SEC14L3: variants seen among roughly 807,000 people sequenced by gnomAD.
SEC14L3 encodes the protein SEC14-like protein 3.
Under a neutral mutation model 57.4 loss-of-function variants are expected in SEC14L3, and 56 were observed. That is an observed-to-expected ratio of 0.97 (90% CI 0.79 to 1.22). The LOEUF is 1.22. Among genes scored for constraint, SEC14L3 ranks in the 50% most tolerant of loss-of-function variants. The pLI is 0.00. For synonymous variants in SEC14L3, 173 were observed against 194.4 expected (o/e 0.89, Z 0.92); for missense variants, 485 against 511.7 (o/e 0.95, Z 0.50).
At chr22:30,456,559 G>A (rs954830615), downstream of SEC14L3, among the ~76,000 whole-genome samples, 11 of 152,050 alleles carry the variant, frequency 7.2e-5, no homozygotes, top group Non-Finnish European at 1.5e-5. Flanking sequence ...TTAAGCAATT[G>A]TAGAATAAGA....
At chr22:30,456,243 G>A (rs1207779474), downstream of SEC14L3, among the ~76,000 whole-genome samples, 1 of 143,804 alleles carries the variant, frequency 7.0e-6, no homozygotes. Context: ...AGGTTGCAGT[G>A]AGCCTAGATT....
In SEC14L3 at chr22:30,464,719, C is replaced by T. The variant is rs556809542; in HGVS notation, c.664+101G>A. On this transcript the variant is annotated intron_variant, in intron 8 of 11. Coordinates refer to ENST00000215812, the MANE Select transcript of SEC14L3 (RefSeq NM_174975.5). The stretch of plus-strand genomic sequence containing the variant: ...GTGCTGGGATTACATTCGTGAGCCA[C>T]TGCACCCAACCTAATGTGTGGAGTT... 1.6e-5 allele frequency: 18 copies of T among 1,098,464 alleles called. 1 individual carries two copies. The South Asian group carries it at 2.1e-4, about 13-fold the overall frequency. The allele number at this position is 1,098,464 out of a possible 1,614,324, so 68.0% of individuals were successfully genotyped here.
intron 12 of SEC14L3, among the ~76,000 whole-genome samples, chr22:30,451,226 G>A (rs1324230375): frequency 1.3e-5 from 2 of 152,214 alleles, no homozygotes; most frequent in African/African-American, 2.4e-5. Context: ...CACCCACCAT[G>A]AGAACAGGTT....
At position 30,459,386 on chromosome 22, in the gene SEC14L3, G is replaced by C. The variant is rs1935180570; in HGVS notation, c.*635C>G. ...AGCCTGATGTAGGCAGCTCCTATCA[G>C]AGGCATGTGGCCTTTGTGGCTGGGG... On this transcript the variant is annotated 3_prime_UTR_variant, in exon 12 of 12. Transcript: ENST00000215812. The C allele has an allele frequency of 1.0e-6, 1 of 985,354 alleles. No individual in the cohort carries two copies. Among genetic ancestry groups the C allele is most frequent in the Non-Finnish European group, 1.2e-6 (1 of 829,990 alleles). 61.0% of individuals were successfully genotyped at this position (985,354 alleles called of 1,614,324 possible).
rs561636617 is a variant in SEC14L3 at position 30,467,632 on chromosome 22, G to A, written c.424-555C>T. ...ACAGAAGAGGTTATTTAACCCAGGC[G>A]GGGGACTCAGAGAAGGTAACATCTA... On this transcript the variant is annotated intron_variant, in intron 5 of 11. Coordinates refer to ENST00000215812, the MANE Select transcript of SEC14L3 (RefSeq NM_174975.5). Among the ~76,000 whole-genome samples, 90 of 152,230 alleles carry A rather than the reference G, an allele frequency of 5.9e-4. 1 individual carries two copies. The highest frequency in any genetic ancestry group is 2.1e-3 in the African/African-American group (89 of 41,542).
At chr22:30,452,010 G>GAAAAAAAAAAAAAA (rs1226997169) in intron 12 of SEC14L3, among the ~76,000 whole-genome samples, 2 of 110,006 alleles carry the variant, frequency 1.8e-5, no homozygotes, top group African/African-American at 3.5e-5. Context: ...AAAAAAAAAA[G>GAAAAAAAAAAAAAA]AAAAAAGAAA....
At chr22:30,450,923 G>A (rs1934968238) in intron 12 of SEC14L3, among the ~76,000 whole-genome samples, 1 of 152,274 alleles carries the variant, frequency 6.6e-6, no homozygotes, top group Admixed American at 6.5e-5. Flanking sequence ...CTGCTGCACA[G>A]AGCAGAGATG....
At chr22:30,461,026 G>C (rs893623663) in intron 11 of SEC14L3, among the ~76,000 whole-genome samples, 1 of 152,102 alleles carries the variant, frequency 6.6e-6, no homozygotes, top group African/African-American at 2.4e-5. Context: ...CAGAGCCTCG[G>C]TTTCCTCATG....
downstream of SEC14L3, among the ~76,000 whole-genome samples, chr22:30,454,868 ACATAATATAT>A (rs1935071325): frequency 1.9e-4 from 4 of 20,972 alleles, no homozygotes; most frequent in African/African-American, 1.4e-3. Flanking sequence ...ATTATATAAT[ACATAATATAT>A]TATTATATAT....
chr22:30,456,336 A>T (rs1935120726), downstream of SEC14L3, among the ~76,000 whole-genome samples: 2 of 151,858 alleles, frequency 1.3e-5, no homozygotes, highest in South Asian at 4.1e-4. Context: ...CAAACACGAA[A>T]AAAGGAATAT....
Position 30,459,376 on chromosome 22 carries a change from G to A in SEC14L3, c.*645C>T, listed in dbSNP as rs1213744609. 3.0e-6 allele frequency: 3 copies of A among 985,356 alleles called. No individual in the cohort carries two copies. The highest frequency in any genetic ancestry group is 3.5e-5 in the African/African-American group (2 of 57,232). The allele number at this position is 985,356 out of a possible 1,614,324, so 61.0% of individuals were successfully genotyped here. ...AGTCAGACAAAGCCTGATGTAGGCA[G>A]CTCCTATCAGAGGCATGTGGCCTTT... On this transcript the variant is annotated 3_prime_UTR_variant, in exon 12 of 12. Transcript: ENST00000215812.
At chr22:30,468,456 C>T (rs1215928507) in intron 5 of SEC14L3, 52 bp downstream of exon 5, 10 of 1,419,274 alleles carry the variant, frequency 7.0e-6, no homozygotes, top group Non-Finnish European at 8.9e-6. Context: ...ACCAATCCCC[C>T]CGGCAGCCTC....
chr22:30,468,483 C>G (rs1365283024), intron 5 of SEC14L3, 25 bp downstream of exon 5: 1 of 1,584,020 alleles, frequency 6.3e-7, no homozygotes, highest in Non-Finnish European at 8.7e-7. Context: ...CCCCAGCCAT[C>G]CACCCCACCT....
chr22:30,464,823 C>G lies in SEC14L3; in HGVS notation c.661G>C (p.Gly221Arg), dbSNP rs1267010421. ...EDTRRKIIVL[G>R]NNWKEGLLKL... Reference sequence around the variant, plus strand: ...AAATTGAGCTGGCACTACTTACTTCCCAACACAATAATTTTCCTGCGAGTG... The same window carrying G: ...AAATTGAGCTGGCACTACTTACTTCGCAACACAATAATTTTCCTGCGAGTG... Residue 221 changes from glycine to arginine, a missense_variant, in exon 8 of 12, where the codon GGA (glycine) becomes CGA (arginine). Transcript: ENST00000215812. 1.2e-6 allele frequency: 2 copies of G among 1,613,936 alleles called. No individual in the cohort carries two copies. Among genetic ancestry groups the G allele is most frequent in the African/African-American group, 2.7e-5 (2 of 74,892 alleles).
intron 1 of SEC14L3, chr22:30,471,030 A>G (rs922252213): frequency 3.2e-6 from 1 of 311,258 alleles, no homozygotes; most frequent in Non-Finnish European, 6.2e-6. Context: ...CACGCCTGTC[A>G]TCCCAGCACT....
Position 30,460,160 on chromosome 22 carries a change from A to G in SEC14L3, c.1082-18T>C. On this transcript the variant is annotated intron_variant, in intron 11 of 11. Coordinates refer to ENST00000215812, the MANE Select transcript of SEC14L3 (RefSeq NM_174975.5). ...TAGGACATCTGGGGGACAGATGGAA[A>G]GAGGGGCATTGGGCTTGGCTTTACA... 1 of 1,612,196 alleles carries G rather than the reference A, an allele frequency of 6.2e-7. No individual in the cohort carries two copies. Among genetic ancestry groups the G allele is most frequent in the Non-Finnish European group, 8.5e-7 (1 of 1,178,736 alleles).
In SEC14L3 at chr22:30,470,042, T is replaced by C. The variant is rs903296261; in HGVS notation, c.211A>G (p.Ile71Val). The C allele has an allele frequency of 1.3e-6, 2 of 1,583,738 alleles. No homozygotes were observed. The highest frequency in any genetic ancestry group is 1.4e-5 in the African/African-American group (1 of 73,966). Residue 71 changes from isoleucine (I) to valine (V), a missense_variant, in exon 4 of 12, where the codon ATC becomes GTC. Coordinates refer to ENST00000215812, the MANE Select transcript of SEC14L3 (RefSeq NM_174975.5). ...ACCTCTGGGGGCTGCCAATCAAGGA[T>C]ATGGTCAATATCCATGGTCTTCCGG... Reference protein sequence around the residue: ...EFRKTMDIDHILDWQPPEVIQ... With the variant: ...EFRKTMDIDHVLDWQPPEVIQ...
downstream of SEC14L3, among the ~76,000 whole-genome samples, chr22:30,454,770 AATATATTATTATATATT>A (rs1935063518): frequency 2.5e-5 from 2 of 79,190 alleles, no homozygotes; most frequent in South Asian, 4.1e-4. Flanking sequence ...TATAATATAT[AATATATTATTATATATT>A]ATATATTATT....
intron 4 of SEC14L3, chr22:30,469,081 G>T (rs1935520625): frequency 1.3e-6 from 1 of 751,116 alleles, no homozygotes. Context: ...TACTCAGGAG[G>T]TTGAGGCAGA....
Sources: gnomAD v4.1 joint callset for allele counts (sites outside exome capture counted in the v4.1 genomes callset) on GRCh38, gnomAD v4.1.1 for gene constraint, MANE v1.5 for transcripts, NCBI Gene and HGNC (gene_info 2026-07-23, HGNC 2026-07-21) for gene names.